The following ULK2 variants were observed in gnomAD, a reference collection of about 807,000 sequenced individuals.
The protein encoded by ULK2 is unc-51 like autophagy activating kinase 2.
In ULK2, 76 loss-of-function variants were observed where a neutral mutation model predicts 127.5. The ratio of observed to expected loss-of-function variants is 0.60; its 90% CI spans 0.50 to 0.72. ULK2 has a LOEUF of 0.72. ULK2 is among the 30% of genes least tolerant of loss of function. The probability of loss-of-function intolerance (pLI) is 0.00; values close to 1 mark genes in which losing one functional copy is unlikely to be tolerated. For synonymous variants in ULK2, 452 were observed against 461.9 expected (o/e 0.98, Z 0.28); for missense variants, 1,144 against 1,295.9 (o/e 0.88, Z 1.80).
intron 20 of ULK2, among the ~76,000 whole-genome samples, chr17:19,791,777 G>A (rs1168841771): frequency 6.9e-6 from 1 of 144,432 alleles, no homozygotes; most frequent in East Asian, 2.1e-4. Context: ...AGAATTGCTT[G>A]AACCTGGGAG....
intron 13 of ULK2, among the ~76,000 whole-genome samples, chr17:19,813,580 T>C (rs1356226708): frequency 6.6e-6 from 1 of 152,066 alleles, no homozygotes; most frequent in Non-Finnish European, 1.5e-5. Flanking sequence ...TTTTAATCAT[T>C]AAAAAGAAGG....
At chr17:19,866,489 C>T (rs1454912639) in intron 1 of ULK2, among the ~76,000 whole-genome samples, 1 of 152,088 alleles carries the variant, frequency 6.6e-6, no homozygotes, top group African/African-American at 2.4e-5. Context: ...GCCTCGGCGA[C>T]AAAGCGAGAC....
chr17:19,802,704 A>G (rs2087425813), intron 15 of ULK2, among the ~76,000 whole-genome samples: 1 of 152,176 alleles, frequency 6.6e-6, no homozygotes, highest in Admixed American at 6.5e-5. Context: ...TTGATACTAC[A>G]CCAAAACTCA....
intron 13 of ULK2, among the ~76,000 whole-genome samples, chr17:19,813,276 C>T (rs1235857857): frequency 6.6e-6 from 1 of 152,126 alleles, no homozygotes; most frequent in Non-Finnish European, 1.5e-5. Context: ...AAACAACTTT[C>T]AAATTCTCCA....
chr17:19,853,598 G>C, intron 3 of ULK2, among the ~76,000 whole-genome samples: 1 of 146,186 alleles, frequency 6.8e-6, no homozygotes, highest in Non-Finnish European at 1.5e-5. Flanking sequence ...TGAGACAAGA[G>C]TCTCACTCTA....
chr17:19,807,534 C>T (rs1469909723), intron 14 of ULK2, among the ~76,000 whole-genome samples: 2 of 152,010 alleles, frequency 1.3e-5, no homozygotes, highest in Non-Finnish European at 1.5e-5. Flanking sequence ...TGCCATGTAG[C>T]TATTGAAGGC....
Position 19,804,762 on chromosome 17 carries a change from T to C in ULK2, c.1226A>G (p.Asn409Ser). Reference sequence around the variant, plus strand: ...AAGATTCTGCTCTATGCGCTGATAATTCCTTATTTGAGTAGGAACTGGAAT... The same window carrying C: ...AAGATTCTGCTCTATGCGCTGATAACTCCTTATTTGAGTAGGAACTGGAAT... ...APIPVPTQIRNYQRIEQNLTS... is the reference protein window; with the variant it reads ...APIPVPTQIRSYQRIEQNLTS... Residue 409 changes from asparagine (N) to serine (S), a missense_variant, in exon 15 of 27, where the codon AAT (asparagine) becomes AGT (serine). By Grantham distance (46) the Asn-to-Ser change is conservative. Transcript: ENST00000395544. 1 of 1,613,284 alleles carries C rather than the reference T, an allele frequency of 6.2e-7. No individual in the cohort carries two copies. The highest frequency in any genetic ancestry group is 8.5e-7 in the Non-Finnish European group (1 of 1,179,524).
chr17:19,851,565 G>A (rs954222461), intron 3 of ULK2, among the ~76,000 whole-genome samples: 1 of 147,650 alleles, frequency 6.8e-6, no homozygotes, highest in African/African-American at 2.5e-5. Flanking sequence ...GCTTGAGCCT[G>A]GGAGGTGGAG....
intron 21 of ULK2, among the ~76,000 whole-genome samples, chr17:19,784,798 T>G (rs1041610658): frequency 1.2e-4 from 18 of 152,128 alleles, no homozygotes; most frequent in African/African-American, 4.1e-4. Flanking sequence ...AGTGCTGGGA[T>G]TACAGGCATG....
intron 20 of ULK2, among the ~76,000 whole-genome samples, chr17:19,795,151 G>GT (rs912972089): frequency 1.3e-5 from 2 of 151,878 alleles, no homozygotes; most frequent in African/African-American, 4.8e-5. Context: ...TCTCCATTTT[G>GT]TTTTTGTTTT....
At chr17:19,795,562 A>T in intron 20 of ULK2, 60 bp downstream of exon 20, 1 of 1,360,394 alleles carries the variant, frequency 7.4e-7, no homozygotes, top group Non-Finnish European at 1.1e-6. Context: ...CAACAGCAGT[A>T]AGAAACAAAT....
intron 25 of ULK2, among the ~76,000 whole-genome samples, chr17:19,777,990 T>C (rs545583925): frequency 6.6e-6 from 1 of 152,356 alleles, no homozygotes; most frequent in South Asian, 2.1e-4. Flanking sequence ...AAACTGGCTC[T>C]TTTATGACTT....
intron 20 of ULK2, among the ~76,000 whole-genome samples, chr17:19,792,488 T>TG (rs2087176050): frequency 6.6e-6 from 1 of 152,226 alleles, no homozygotes; most frequent in South Asian, 2.1e-4. Context: ...GCCTTGAACT[T>TG]GGACTTTCAG....
At position 19,787,898 on chromosome 17, in the gene ULK2, T is replaced by C. The variant is rs541386779; in HGVS notation, c.2102-1812A>G. 1.2e-4 allele frequency among the ~76,000 whole-genome samples: 19 copies of C among 152,280 alleles called. No individual in the cohort carries two copies. In the South Asian group the frequency reaches 3.9e-3, roughly 32 times the overall value. ...CTGTGTGTGGCAAGGAAATAATCTG[T>C]GTACTTGGGGGAGGGAGAGTGCAGC... On this transcript the variant is annotated intron_variant, in intron 20 of 26. Transcript: ENST00000395544.
chr17:19,812,554 T>C (rs1597748985), intron 13 of ULK2, among the ~76,000 whole-genome samples: 1 of 152,352 alleles, frequency 6.6e-6, no homozygotes, highest in South Asian at 2.1e-4. Context: ...TTATGAAGTG[T>C]TGAATATCTC....
intron 5 of ULK2, among the ~76,000 whole-genome samples, chr17:19,847,377 C>T (rs558999167): frequency 1.3e-5 from 2 of 152,312 alleles, no homozygotes; most frequent in Admixed American, 1.3e-4. Flanking sequence ...ACTACTGCTA[C>T]CCGTGCCTGT....
intron 17 of ULK2, among the ~76,000 whole-genome samples, chr17:19,798,205 CCTTT>C (rs145077296): frequency 0.038 from 5,710 of 152,160 alleles, 254 homozygotes; most frequent in African/African-American, 0.11. Context: ...AGATAACAGA[CCTTT>C]CTGAGATTTT....
chr17:19,804,022 A>G (rs2087457704), intron 15 of ULK2, among the ~76,000 whole-genome samples: 2 of 152,176 alleles, frequency 1.3e-5, no homozygotes, highest in African/African-American at 4.8e-5. Context: ...ATCAAGTACC[A>G]TTCTTCTATC....
intron 8 of ULK2, among the ~76,000 whole-genome samples, chr17:19,842,188 T>C (rs1377248661): frequency 6.8e-6 from 1 of 147,832 alleles, no homozygotes; most frequent in Non-Finnish European, 1.5e-5. Flanking sequence ...AATTTTCTTT[T>C]TCTTTTTTTT....
Sources: gnomAD v4.1 joint callset for allele counts (sites outside exome capture counted in the v4.1 genomes callset) on GRCh38, gnomAD v4.1.1 for gene constraint, MANE v1.5 for transcripts, NCBI Gene and HGNC (gene_info 2026-07-23, HGNC 2026-07-21) for gene names.